Variants in DENND1A observed in about 807,000 individuals in gnomAD.
DENND1A encodes the protein DENN domain-containing protein 1A.
Under a neutral mutation model 113.7 loss-of-function variants are expected in DENND1A, and 51 were observed. The observed-to-expected ratio is 0.45, with a 90% CI of 0.36 to 0.57. The LOEUF is 0.57. DENND1A is among the 20% of genes least tolerant of loss of function. The pLI is 0.00. For missense variants in DENND1A, 1,258 were observed against 1,395.9 expected, an observed-to-expected ratio of 0.90 and a Z score of 1.57; for synonymous variants, 565 against 570.8, an observed-to-expected ratio of 0.99 and a Z score of 0.14.
chr9:123,510,134 G>T (rs184902249), intron 13 of DENND1A, among the ~76,000 whole-genome samples: 20 of 152,330 alleles, frequency 1.3e-4, no homozygotes, highest in Admixed American at 6.5e-4. Flanking sequence ...CCACTTCTCT[G>T]CTGTAGCCCA....
At chr9:123,832,549 A>C (rs1215181259) in intron 2 of DENND1A, among the ~76,000 whole-genome samples, 2 of 152,236 alleles carry the variant, frequency 1.3e-5, no homozygotes, top group Non-Finnish European at 2.9e-5. Flanking sequence ...TACAAACACC[A>C]GATATATTTA....
chr9:123,496,335 GC>G (rs558401131), intron 13 of DENND1A, among the ~76,000 whole-genome samples: 37 of 152,302 alleles, frequency 2.4e-4, no homozygotes, highest in African/African-American at 8.4e-4. Context: ...TTTTCCTGGT[GC>G]TTTTAACAAA....
intron 5 of DENND1A, among the ~76,000 whole-genome samples, chr9:123,755,785 T>G (rs1006252384): frequency 1.3e-5 from 2 of 152,250 alleles, no homozygotes; most frequent in Non-Finnish European, 2.9e-5. Flanking sequence ...CCTTCCTTAA[T>G]TATTGTAAGA....
At chr9:123,657,751 C>T (rs1038648005) in intron 8 of DENND1A, among the ~76,000 whole-genome samples, 1 of 150,854 alleles carries the variant, frequency 6.6e-6, no homozygotes, top group African/African-American at 2.5e-5. Flanking sequence ...TTTTTAAAAC[C>T]CTCAACTGAT....
intron 21 of DENND1A, 81 bp from the exon 22 acceptor site, chr9:123,387,939 C>A: frequency 8.0e-7 from 1 of 1,244,058 alleles, no homozygotes; most frequent in Non-Finnish European, 1.0e-6. Context: ...GGGAAGCAGG[C>A]CTCTGGGCTC....
At chr9:123,557,917 G>A (rs1248139341) in intron 12 of DENND1A, among the ~76,000 whole-genome samples, 7 of 152,074 alleles carry the variant, frequency 4.6e-5, no homozygotes, top group East Asian at 1.9e-4. Context: ...ACTGGAACCC[G>A]GGAGGCAGAG....
chr9:123,610,860 G>A (rs1475158162), intron 10 of DENND1A, among the ~76,000 whole-genome samples: 2 of 152,150 alleles, frequency 1.3e-5, no homozygotes, highest in African/African-American at 4.8e-5. Flanking sequence ...GAAAGCAATG[G>A]ATAGGCAAGG....
At chr9:123,656,395 A>G (rs1438167030) in intron 8 of DENND1A, among the ~76,000 whole-genome samples, 4 of 152,196 alleles carry the variant, frequency 2.6e-5, no homozygotes, top group Non-Finnish European at 1.5e-5. Flanking sequence ...CAGTCAACTA[A>G]CAGGCTGCTG....
intron 13 of DENND1A, among the ~76,000 whole-genome samples, chr9:123,523,609 C>A (rs2054570651): frequency 6.6e-6 from 1 of 152,170 alleles, no homozygotes; most frequent in African/African-American, 2.4e-5. Context: ...GTAAAGTTAA[C>A]CTATTTCTCA....
At chr9:123,914,792 T>G (rs1314386076) in intron 1 of DENND1A, among the ~76,000 whole-genome samples, 2 of 151,840 alleles carry the variant, frequency 1.3e-5, no homozygotes, top group Non-Finnish European at 2.9e-5. Context: ...GAGCAAGAAC[T>G]CAGTCATCAC....
At chr9:123,868,347 T>C (rs1453108245) in intron 2 of DENND1A, among the ~76,000 whole-genome samples, 3 of 152,264 alleles carry the variant, frequency 2.0e-5, no homozygotes, top group Non-Finnish European at 2.9e-5. Context: ...TTTTCAGTTA[T>C]GTCAATTTGA....
chr9:123,646,627 C>T (rs867049976), intron 9 of DENND1A, among the ~76,000 whole-genome samples: 3 of 152,064 alleles, frequency 2.0e-5, no homozygotes, highest in South Asian at 4.1e-4. Context: ...TCCCCATCCG[C>T]TCTCTTCGGC....
At chr9:123,581,571 G>T (rs1049269390) in intron 12 of DENND1A, among the ~76,000 whole-genome samples, 2 of 151,950 alleles carry the variant, frequency 1.3e-5, no homozygotes, top group Non-Finnish European at 2.9e-5. Flanking sequence ...GCTGCAGTGA[G>T]CTAAGATAGT....
intron 5 of DENND1A, among the ~76,000 whole-genome samples, chr9:123,682,078 C>T (rs1030255484): frequency 1.3e-5 from 2 of 152,172 alleles, no homozygotes; most frequent in African/African-American, 4.8e-5. Flanking sequence ...AATTCTTTCC[C>T]CTCATCTTGA....
At position 123,607,524 on chromosome 9, in the gene DENND1A, G is replaced by C. The variant is rs12238319; in HGVS notation, c.765+1912C>G. On this transcript the variant is annotated intron_variant, in intron 11 of 23. Coordinates refer to ENST00000394215, the MANE Select transcript of DENND1A (RefSeq NM_001352964.2). ...ACACACACACACACACACACACAGAGAGAGAGAGAGAGAGAGAGAGAGAGT... is the reference window on the plus strand; with the variant it reads ...ACACACACACACACACACACACAGACAGAGAGAGAGAGAGAGAGAGAGAGT... Among the ~76,000 whole-genome samples the C allele has an allele frequency of 5.4e-3, 379 of 70,016 alleles. 3 individuals carry two copies. The highest frequency in any genetic ancestry group is 0.018 in the African/African-American group (330 of 17,880). The allele number at this position is 70,016 out of a possible 152,430, so 45.9% of individuals were successfully genotyped here.
chr9:123,748,295 A>G (rs2069701266), intron 5 of DENND1A, among the ~76,000 whole-genome samples: 1 of 152,192 alleles, frequency 6.6e-6, no homozygotes, highest in South Asian at 2.1e-4. Flanking sequence ...GTGGGATGAG[A>G]GATTTCTTTT....
At chr9:123,503,905 G>A (rs890740587) in intron 13 of DENND1A, among the ~76,000 whole-genome samples, 1 of 152,134 alleles carries the variant, frequency 6.6e-6, no homozygotes, top group East Asian at 1.9e-4. Flanking sequence ...GGTCTTTATC[G>A]TTCCCTGTGT....
chr9:123,860,187 C>T (rs1844858741), intron 2 of DENND1A, among the ~76,000 whole-genome samples: 1 of 152,176 alleles, frequency 6.6e-6, no homozygotes, highest in Non-Finnish European at 1.5e-5. Context: ...TTTAGGGAAA[C>T]TGAGGTAGGT....
At chr9:123,723,564 G>A (rs1416881389) in intron 5 of DENND1A, among the ~76,000 whole-genome samples, 1 of 152,122 alleles carries the variant, frequency 6.6e-6, no homozygotes, top group Non-Finnish European at 1.5e-5. Flanking sequence ...TATTCATGGG[G>A]GTGGTCTTTC....
Sources: allele counts gnomAD v4.1 joint callset (sites outside exome capture counted in the v4.1 genomes callset), GRCh38; gene constraint gnomAD v4.1.1; transcripts MANE v1.5; gene names NCBI Gene and HGNC (gene_info 2026-07-23, HGNC 2026-07-21).